NDST3: variants seen among roughly 807,000 people sequenced by gnomAD.
NDST3 encodes the protein bifunctional heparan sulfate N-deacetylase/N-sulfotransferase 3.
A neutral mutation model predicts 96.1 loss-of-function variants in NDST3; 58 were observed. That is an observed-to-expected ratio of 0.60 (90% confidence interval 0.49 to 0.75). The LOEUF (loss-of-function observed/expected upper bound fraction) is 0.75. Ranked by LOEUF, NDST3 falls within the 30% of genes least tolerant of loss-of-function variation. NDST3 has a pLI of 0.00. For missense variants in NDST3, 788 were observed against 1,034.2 expected (o/e 0.76, Z 3.27); for synonymous variants, 333 against 359.7 (o/e 0.93, Z 0.84).
intron 6 of NDST3, among the ~76,000 whole-genome samples, chr4:118,216,502 C>A (rs1014459493): frequency 6.6e-6 from 1 of 151,876 alleles, no homozygotes; most frequent in African/African-American, 2.4e-5. Context: ...TTATTATATC[C>A]TTTTTGTTTT....
chr4:118,169,150 AAG>A (rs1350728712), intron 6 of NDST3, among the ~76,000 whole-genome samples: 3 of 152,218 alleles, frequency 2.0e-5, no homozygotes, highest in Non-Finnish European at 4.4e-5. Context: ...GAAAAAAAGA[AAG>A]AACTTTTAAA....
At chr4:118,056,383 C>T (rs1407946443) in intron 2 of NDST3, among the ~76,000 whole-genome samples, 3 of 151,794 alleles carry the variant, frequency 2.0e-5, no homozygotes, top group African/African-American at 4.8e-5. Context: ...AAATTAGAGG[C>T]TTATTGAACA....
At chr4:118,115,130 T>C (rs1304576518) in intron 4 of NDST3, among the ~76,000 whole-genome samples, 170 bp downstream of exon 4, 1 of 152,158 alleles carries the variant, frequency 6.6e-6, no homozygotes. Flanking sequence ...TATTGAGTGC[T>C]CACCACTATG....
chr4:118,234,376 T>G (rs1740501578), intron 9 of NDST3, among the ~76,000 whole-genome samples: 1 of 152,064 alleles, frequency 6.6e-6, no homozygotes, highest in Non-Finnish European at 1.5e-5. Flanking sequence ...ATTGCACCAC[T>G]GCACTCCAGC....
chr4:118,207,067 T>C (rs1738480603), intron 6 of NDST3, among the ~76,000 whole-genome samples: 1 of 142,592 alleles, frequency 7.0e-6, no homozygotes, highest in African/African-American at 2.6e-5. Context: ...ATGTATTAAA[T>C]TTTTAAAAAT....
intron 8 of NDST3, among the ~76,000 whole-genome samples, chr4:118,232,372 G>A (rs1352406690): frequency 6.6e-6 from 1 of 152,044 alleles, no homozygotes; most frequent in South Asian, 2.1e-4. Flanking sequence ...ACTCACTCCT[G>A]TAATCCCAGC....
intron 6 of NDST3, among the ~76,000 whole-genome samples, chr4:118,220,631 A>C (rs1471743385): frequency 6.6e-6 from 1 of 151,916 alleles, no homozygotes; most frequent in Admixed American, 6.6e-5. Context: ...AAATAAAATA[A>C]ACAGGATTGA....
At chr4:118,165,819 G>C (rs1301368572) in intron 6 of NDST3, among the ~76,000 whole-genome samples, 1 of 151,264 alleles carries the variant, frequency 6.6e-6, no homozygotes, top group Non-Finnish European at 1.5e-5. Context: ...TAACAATTTG[G>C]GTACAAGAAA....
At chr4:118,151,801 T>G (rs1381576308) in intron 6 of NDST3, among the ~76,000 whole-genome samples, 1 of 152,210 alleles carries the variant, frequency 6.6e-6, no homozygotes, top group Non-Finnish European at 1.5e-5. Context: ...TTTAAAATAG[T>G]GTTTACTGCT....
At chr4:118,254,255 A>T (rs1446267592) in intron 13 of NDST3, among the ~76,000 whole-genome samples, 1 of 152,104 alleles carries the variant, frequency 6.6e-6, no homozygotes, top group Admixed American at 6.5e-5. Context: ...CAAAAAAAAA[A>T]AAAAAAAAAT....
chr4:118,189,270 T>C (rs926568523), intron 6 of NDST3, among the ~76,000 whole-genome samples: 4 of 152,102 alleles, frequency 2.6e-5, no homozygotes, highest in Non-Finnish European at 5.9e-5. Context: ...AGGCTGGTCT[T>C]GAACTCCTGA....
At chr4:118,050,862 A>G (rs528276728) in intron 1 of NDST3, among the ~76,000 whole-genome samples, 93 of 152,244 alleles carry the variant, frequency 6.1e-4, no homozygotes, top group African/African-American at 2.1e-3. Context: ...AATAAATATA[A>G]AAAAACTGTT....
chr4:118,246,689 C>G (rs577510343), intron 12 of NDST3, among the ~76,000 whole-genome samples: 1 of 152,150 alleles, frequency 6.6e-6, no homozygotes, highest in Non-Finnish European at 1.5e-5. Flanking sequence ...AGGAAACTTA[C>G]AGTTATGGCA....
At chr4:118,219,779 G>GACAAAGGGC (rs1739416435) in intron 6 of NDST3, among the ~76,000 whole-genome samples, 1 of 149,282 alleles carries the variant, frequency 6.7e-6, no homozygotes, top group Admixed American at 6.7e-5. Flanking sequence ...AATTTTTGCA[G>GACAAAGGGC]TAAATCCACT....
intron 6 of NDST3, among the ~76,000 whole-genome samples, chr4:118,187,556 A>G (rs905943478): frequency 1.3e-5 from 2 of 152,208 alleles, no homozygotes; most frequent in Non-Finnish European, 2.9e-5. Context: ...CTCTCAAGGC[A>G]TAAGGTTGTC....
rs1215667435 is a variant in NDST3, at chr4:118,054,283, A to G, written c.373A>G (p.Lys125Glu). 6.2e-7 allele frequency: 1 copy of G among 1,612,302 alleles called. No individual in the cohort carries two copies. Among genetic ancestry groups the G allele is most frequent in the South Asian group, 1.1e-5 (1 of 90,938 alleles). The change falls in exon 2 of 14, where the codon AAA (lysine) becomes GAA (glutamate). Residue 125 changes from lysine to glutamate, a missense_variant. Lys to Glu is a moderately conservative substitution (Grantham distance 56, BLOSUM62 1). Around this residue, in one of 3 missense-constraint regions of NDST3, gnomAD observed 234 missense variants for 256.9 expected, o/e 0.91. Coordinates refer to ENST00000296499, the MANE Select transcript of NDST3 (RefSeq NM_004784.3). ...GDLPVLIDKM[K>E]GKYILIIYEN... ...TCTCCCAGTGCTTATAGACAAAATG[A>G]AAGGCAAATACATTCTCATTATTTA...
chr4:118,042,882 G>GTC (rs879323794), intron 1 of NDST3, among the ~76,000 whole-genome samples: 21 of 151,220 alleles, frequency 1.4e-4, no homozygotes, highest in African/African-American at 3.6e-4. Flanking sequence ...CTTTCTCTCT[G>GTC]TCTCTCTCTC....
At chr4:118,148,110 A>G (rs1489065970) in intron 6 of NDST3, among the ~76,000 whole-genome samples, 1 of 152,166 alleles carries the variant, frequency 6.6e-6, no homozygotes, top group Non-Finnish European at 1.5e-5. Flanking sequence ...CATCCTGGCT[A>G]ACACGGTGAA....
At chr4:118,171,411 AT>A (rs1021266769) in intron 6 of NDST3, among the ~76,000 whole-genome samples, 42 of 152,294 alleles carry the variant, frequency 2.8e-4, no homozygotes, top group African/African-American at 9.6e-4. Flanking sequence ...GGCATATGAT[AT>A]TGTATCATAT....
Sources: gnomAD v4.1 joint callset for allele counts (sites outside exome capture counted in the v4.1 genomes callset) on GRCh38, gnomAD v4.1.1 for gene constraint, gnomAD v4.1.1 regional missense constraint, MANE v1.5 for transcripts, NCBI Gene and HGNC (gene_info 2026-07-23, HGNC 2026-07-21) for gene names.